Variants in LRBA observed in about 807,000 individuals in gnomAD.
The protein encoded by LRBA is LPS responsive beige-like anchor protein.
LRBA carries 176 observed loss-of-function variants against 330.0 expected under a neutral mutation model. The ratio of observed to expected loss-of-function variants is 0.53; its 90% CI spans 0.47 to 0.60. The LOEUF (loss-of-function observed/expected upper bound fraction) is 0.60, where lower values mean the gene tolerates loss of function less well. Ranked by LOEUF, LRBA falls within the 20% of genes least tolerant of loss-of-function variation. The pLI is 0.00. For missense variants in LRBA, 3,259 were observed against 3,444.8 expected, an observed-to-expected ratio of 0.95 and a Z score of 1.35; for synonymous variants, 1,230 against 1,193.0, an observed-to-expected ratio of 1.03 and a Z score of -0.64.
chr4:150,934,239 C>T lies in LRBA; in HGVS notation c.217-5174G>A, dbSNP rs374561384. On this transcript the variant is annotated intron_variant, in intron 2 of 56. Transcript: ENST00000651943. ...TATTTAACAACTGGCACAGTGCAGG[C>T]ACCATGCAATCAGAACACATACAAA... 9.8e-5 allele frequency among the ~76,000 whole-genome samples: 15 copies of T among 152,292 alleles called. No homozygotes were observed. The East Asian group carries it at 1.9e-3, about 20-fold the overall frequency.
intron 37 of LRBA, among the ~76,000 whole-genome samples, chr4:150,638,262 C>T (rs555720586): frequency 6.6e-4 from 101 of 152,112 alleles, no homozygotes; most frequent in African/African-American, 1.3e-3. Context: ...CTCCTGACCT[C>T]GTGATCCACC....
rs373910038 is a variant in LRBA, at chr4:150,767,756, CAA to C, written c.5581-5911_5581-5910del. ...CTGGGCAACAGAGCGAGACTTGTTGCAAAAAAAAAAAAAAAAAAAAAATTTGG... is the reference window on the plus strand; with the variant it reads ...CTGGGCAACAGAGCGAGACTTGTTGCAAAAAAAAAAAAAAAAAAAATTTGG... On this transcript the variant is annotated intron_variant, in intron 34 of 56. Transcript: ENST00000651943. 4.3e-3 allele frequency among the ~76,000 whole-genome samples: 513 copies of C among 118,692 alleles called. 2 individuals carry two copies. The highest frequency in any genetic ancestry group is 0.01 in the East Asian group (39 of 3,740). The allele number at this position is 118,692 out of a possible 152,430, so 77.9% of individuals were successfully genotyped here.
At chr4:150,932,842 C>G (rs1782367) in intron 2 of LRBA, among the ~76,000 whole-genome samples, 145,957 of 152,160 alleles carry the variant, frequency 0.96, 70,287 homozygotes, top group Non-Finnish European at 1. Flanking sequence ...CTTGAACCCA[C>G]GAGGCAGAGG....
chr4:150,371,511 T>C (rs1389230414), intron 47 of LRBA, among the ~76,000 whole-genome samples: 1 of 152,038 alleles, frequency 6.6e-6, no homozygotes, highest in East Asian at 1.9e-4. Flanking sequence ...ATTTATCTAA[T>C]ATTTATATCT....
At chr4:150,851,437 T>G (rs1750605364) in intron 23 of LRBA, among the ~76,000 whole-genome samples, 1 of 152,248 alleles carries the variant, frequency 6.6e-6, no homozygotes, top group Non-Finnish European at 1.5e-5. Context: ...GCTGTGCCTC[T>G]AGATCTCACA....
rs35115144 is a variant in LRBA, at chr4:150,861,270, G to GGTGTGTGTGTGTGTGTGTGTGT, written c.2766+6379_2766+6400dup. ...GGTGCATGCCACCATCCCAGCTAAT[G>GGTGTGTGTGTGTGTGTGTGTGT]GTGTGTGTGTGTGTGTGTGTGTGTG... is the stretch of plus-strand genomic sequence containing the variant. On this transcript the variant is annotated intron_variant, in intron 22 of 56. Coordinates refer to ENST00000651943, the MANE Select transcript of LRBA (RefSeq NM_001364905.1). Among the ~76,000 whole-genome samples, 374 of 137,860 alleles carry GGTGTGTGTGTGTGTGTGTGTGT rather than the reference G, an allele frequency of 2.7e-3. 1 individual carries two copies. The highest frequency in any genetic ancestry group is 9.6e-3 in the African/African-American group (348 of 36,432). The allele number at this position is 137,860 out of a possible 152,430, so 90.4% of individuals were successfully genotyped here. A position where few individuals can be genotyped will look rare whatever the true frequency, so the allele number is the denominator to read the frequency against.
At chr4:150,461,321 G>T (rs1754748637) in intron 44 of LRBA, among the ~76,000 whole-genome samples, 2 of 151,766 alleles carry the variant, frequency 1.3e-5, no homozygotes, top group African/African-American at 4.8e-5. Flanking sequence ...CTCACGTTAA[G>T]AAATATGTTA....
chr4:150,421,473 T>C (rs2151964776), intron 46 of LRBA, among the ~76,000 whole-genome samples: 1 of 151,814 alleles, frequency 6.6e-6, no homozygotes, highest in Middle Eastern at 3.4e-3. Flanking sequence ...TCTTAATTAT[T>C]TGATTTAAAC....
At chr4:150,345,509 C>T (rs1026607471) in intron 48 of LRBA, among the ~76,000 whole-genome samples, 1 of 152,072 alleles carries the variant, frequency 6.6e-6, no homozygotes, top group Admixed American at 6.6e-5. Flanking sequence ...TAACTGTGAG[C>T]AACATAAGGG....
chr4:150,872,620 T>C (rs1753569242), intron 18 of LRBA, 43 bp downstream of exon 18: 1 of 1,239,216 alleles, frequency 8.1e-7, no homozygotes, highest in East Asian at 2.4e-5. Flanking sequence ...ATAAAATAAA[T>C]AAGTAGAATA....
intron 41 of LRBA, among the ~76,000 whole-genome samples, chr4:150,489,465 AAATATATTATATATAAGAATATAT>A (rs1561251478): frequency 4.1e-4 from 9 of 21,952 alleles, no homozygotes; most frequent in Admixed American, 1.5e-3. Context: ...TAAGAATATA[AAATATATTATATATAAGAATATAT>A]AATATATTAT....
chr4:150,792,556 T>C lies in LRBA; in HGVS notation c.5580+5525A>G, dbSNP rs185551722. 4.1e-3 allele frequency among the ~76,000 whole-genome samples: 632 copies of C among 152,310 alleles called. 5 individuals are homozygous for C. Among genetic ancestry groups the C allele is most frequent in the Non-Finnish European group, 6.4e-3 (435 of 68,020 alleles). On this transcript the variant is annotated intron_variant, in intron 34 of 56. Transcript: ENST00000651943. ...CAGGGTCTTCCTCTGTCACCCAGAC[T>C]GGAGTGCACCAGTGCGACCCTAGCT...
intron 37 of LRBA, among the ~76,000 whole-genome samples, chr4:150,621,032 A>G (rs1195987139): frequency 6.6e-6 from 1 of 152,192 alleles, no homozygotes; most frequent in Non-Finnish European, 1.5e-5. Context: ...TTTGATAAAA[A>G]GTGCTCACCA....
chr4:150,284,201 A>G (rs1747882991), intron 54 of LRBA, among the ~76,000 whole-genome samples: 1 of 152,206 alleles, frequency 6.6e-6, no homozygotes. Flanking sequence ...GGTGTAACAA[A>G]AATGTCCCAG....
At chr4:150,293,443 C>A (rs1728577335) in intron 53 of LRBA, among the ~76,000 whole-genome samples, 1 of 152,140 alleles carries the variant, frequency 6.6e-6, no homozygotes, top group Admixed American at 6.6e-5. Context: ...TTTCCCTTCC[C>A]CTATTCATCA....
In LRBA at chr4:150,512,717, GAAAAAAAAA is replaced by G. The variant is rs370203536; in HGVS notation, c.6331-21691_6331-21683del. Among the ~76,000 whole-genome samples the G allele has an allele frequency of 4.0e-5, 4 of 100,664 alleles. No individual in the cohort carries two copies. The South Asian group carries it at 1.6e-3, about 40-fold the overall frequency. The allele number at this position is 100,664 out of a possible 152,430, so 66.0% of individuals were successfully genotyped here. On this transcript the variant is annotated intron_variant, in intron 40 of 56. Coordinates refer to ENST00000651943, the MANE Select transcript of LRBA (RefSeq NM_001364905.1). ...CCCAAACAAAGACAGTGCTTTTTGA[GAAAAAAAAA>G]AAAAAAAAAAAAAGATGAAGAGTCC...
chr4:150,638,835 C>T (rs1778196294), intron 37 of LRBA, among the ~76,000 whole-genome samples: 1 of 109,380 alleles, frequency 9.1e-6, no homozygotes, highest in Non-Finnish European at 1.9e-5. Flanking sequence ...CCATTTGACC[C>T]AGCCATCCCA....
chr4:150,678,256 AAAAG>A lies in LRBA; in HGVS notation c.5921+5291_5921+5294del, dbSNP rs546006728. On this transcript the variant is annotated intron_variant, in intron 37 of 56. Transcript: ENST00000651943. ...ACTCTGTCTCCAAGAAAAAAAAAAA[AAAAG>A]AAAGAAAAGTACAAATAAGGTTTGA... is the stretch of plus-strand genomic sequence containing the variant. Among the ~76,000 whole-genome samples the A allele has an allele frequency of 1.9e-3, 288 of 151,970 alleles. 5 individuals are homozygous for A. Among genetic ancestry groups the A allele is most frequent in the Non-Finnish European group, 5.6e-4 (38 of 67,940 alleles).
At position 150,852,731 on chromosome 4, in the gene LRBA, T is replaced by G. The variant is rs1166060455; in HGVS notation, c.2979A>C (p.Ser993=). The G allele has an allele frequency of 3.1e-6, 5 of 1,613,752 alleles. No homozygotes were observed. The highest frequency in any genetic ancestry group is 4.2e-6 in the Non-Finnish European group (5 of 1,179,836). The change falls in exon 23 of 57, where the codon TCA becomes TCC. Residue 993 remains serine (S), a synonymous_variant. Transcript: ENST00000651943. ...CTAGTGAACTTGTCTTCTCTATACTTGAATTTTCATTACCATTTGTGGTGA... is the reference window on the plus strand; with the variant it reads ...CTAGTGAACTTGTCTTCTCTATACTGGAATTTTCATTACCATTTGTGGTGA... ...PHFTTNGNEN[S]SIEKTSSLES... is the part of the protein sequence containing the mutation.
Sources: allele counts gnomAD v4.1 joint callset (sites outside exome capture counted in the v4.1 genomes callset), GRCh38; gene constraint gnomAD v4.1.1; transcripts MANE v1.5; gene names NCBI Gene and HGNC (gene_info 2026-07-23, HGNC 2026-07-21).